The following LY9 variants were observed in gnomAD, a reference collection of about 807,000 sequenced individuals.
LY9 encodes lymphocyte antigen 9, also known as T-lymphocyte surface antigen Ly-9.
In LY9, 59 loss-of-function variants were observed where a neutral mutation model predicts 64.6. The ratio of observed to expected loss-of-function variants is 0.91; its 90% CI spans 0.74 to 1.13. LY9 has a LOEUF of 1.13. LY9 is among the 50% of genes most tolerant of loss of function. The pLI, the probability that LY9 is intolerant of heterozygous loss-of-function variation, is 0.00. For missense variants in LY9, 789 were observed against 797.2 expected (o/e 0.99, Z 0.12); for synonymous variants, 281 against 308.5 (o/e 0.91, Z 0.93).
At chr1:160,824,359 T>C (rs1455164957) in intron 9 of LY9, 110 bp downstream of exon 9, 24 of 1,537,182 alleles carry the variant, frequency 1.6e-5, no homozygotes, top group Non-Finnish European at 1.7e-5. Context: ...TCTTAAATTC[T>C]ACCCACTATG....
chr1:160,811,823 C>T (rs1252374987), intron 2 of LY9: 1 of 152,166 alleles, frequency 6.6e-6, no homozygotes, highest in Non-Finnish European at 1.5e-5. Flanking sequence ...TGCAGTGTTC[C>T]TATTTTCTTT....
At chr1:160,802,597 A>G (rs1187077734) in intron 2 of LY9, 1 of 985,598 alleles carries the variant, frequency 1.0e-6, no homozygotes. Context: ...TGTAGCTGCC[A>G]GTGTACACGT....
chr1:160,824,371 A>AC (rs779116529), intron 9 of LY9, 122 bp downstream of exon 9: 26 of 1,501,830 alleles, frequency 1.7e-5, no homozygotes, highest in Non-Finnish European at 2.3e-5. Context: ...CCCACTATGC[A>AC]CCCCTCAGAT....
chr1:160,801,072 G>A (rs1666427592), intron 2 of LY9, among the ~76,000 whole-genome samples: 1 of 151,856 alleles, frequency 6.6e-6, no homozygotes, highest in African/African-American at 2.4e-5. Flanking sequence ...TTTTCCTTTG[G>A]GTAGATATCC....
At chr1:160,805,878 C>T (rs1666943663) in intron 2 of LY9, among the ~76,000 whole-genome samples, 1 of 144,392 alleles carries the variant, frequency 6.9e-6, no homozygotes, top group South Asian at 2.2e-4. Flanking sequence ...TATCCTCTTG[C>T]TGGATTGATC....
At chr1:160,823,421 G>T in intron 7 of LY9, 44 bp from the exon 8 acceptor site, 1 of 1,464,916 alleles carries the variant, frequency 6.8e-7, no homozygotes, top group Middle Eastern at 1.8e-4. Flanking sequence ...AAGAAGAGAG[G>T]TGGGGTTGGC....
At position 160,813,615 on chromosome 1, in the gene LY9, C is replaced by G. The variant is rs1462415391; in HGVS notation, c.455-21C>G. ...GCTGGCAAAAGGATCTGAGCATCTT[C>G]CCATGCTGTTGTCCCTGCAGAGCAG... On this transcript the variant is annotated intron_variant, in intron 2 of 9. Transcript: ENST00000263285. 4 of 1,605,216 alleles carry G rather than the reference C, an allele frequency of 2.5e-6. No individual in the cohort carries two copies. The African/African-American group carries it at 5.4e-5, about 22-fold the overall frequency.
At chr1:160,802,213 G>A in intron 2 of LY9, 10 of 1,138,906 alleles carry the variant, frequency 8.8e-6, no homozygotes, top group Non-Finnish European at 1.1e-5. Flanking sequence ...TTCTCCGCTT[G>A]GATTTGCTTA....
At chr1:160,819,815 GAGAA>G (rs1668251947) in intron 7 of LY9, among the ~76,000 whole-genome samples, 3 of 100,268 alleles carry the variant, frequency 3.0e-5, no homozygotes, top group African/African-American at 3.9e-5. Context: ...AAAACAGAAA[GAGAA>G]AGAAAGAGAG....
At position 160,816,759 on chromosome 1, in the gene LY9, A is replaced by T. The variant is rs141800928; in HGVS notation, c.1238A>T (p.Asn413Ile). 1,732 of 1,614,194 alleles carry T rather than the reference A, an allele frequency of 1.1e-3. 3 individuals are homozygous for T. Among genetic ancestry groups the T allele is most frequent in the Non-Finnish European group, 1.3e-3 (1,536 of 1,180,030 alleles). Reference sequence around the variant, plus strand: ...GTGTCCCAAGGGGAATCACACCTCAATGTCTCATGGAGAAGCAGTGAAAAT... The same window carrying T: ...GTGTCCCAAGGGGAATCACACCTCATTGTCTCATGGAGAAGCAGTGAAAAT... The part of the protein sequence containing the change: ...AVVSQGESHL[N>I]VSWRSSENHP... Residue 413 changes from asparagine (N) to isoleucine (I), a missense_variant, in exon 5 of 10, where the codon AAT (asparagine) becomes ATT (isoleucine). Asn to Ile is a moderately radical substitution (Grantham distance 149). Coordinates refer to ENST00000263285, the MANE Select transcript of LY9 (RefSeq NM_002348.4).
At chr1:160,813,969 G>A in intron 3 of LY9, 58 bp downstream of exon 3, 2 of 1,555,206 alleles carry the variant, frequency 1.3e-6, no homozygotes, top group East Asian at 2.2e-5. Context: ...AGCAGCTGTG[G>A]AGTCTAAACC....
At position 160,819,397 on chromosome 1, in the gene LY9, C is replaced by T. The variant is rs367679571; in HGVS notation, c.1498+23C>T. ...CAGGTAACATCACCCATGACACAGG[C>T]TATGGGGTATCTGGTCCAAATGGAA... is the stretch of plus-strand genomic sequence containing the variant. On this transcript the variant is annotated intron_variant, in intron 7 of 9. Transcript: ENST00000263285. The T allele has an allele frequency of 3.2e-4, 504 of 1,592,170 alleles. 1 individual carries two copies. Among genetic ancestry groups the T allele is most frequent in the Non-Finnish European group, 3.8e-4 (442 of 1,160,340 alleles).
intron 5 of LY9, among the ~76,000 whole-genome samples, chr1:160,817,545 G>A (rs367748248): frequency 1.1e-3 from 166 of 152,336 alleles, no homozygotes; most frequent in Middle Eastern, 3.4e-3. Flanking sequence ...CAAAGGCTGC[G>A]TGAGTGGGAG....
chr1:160,826,779 T>A (rs113849158), intron 9 of LY9, among the ~76,000 whole-genome samples: 4,410 of 152,308 alleles, frequency 0.029, 225 homozygotes, highest in African/African-American at 0.1. Context: ...TAGACAGTAG[T>A]CTAATGCTTA....
chr1:160,798,265 A>T (rs1056912539), intron 1 of LY9, among the ~76,000 whole-genome samples: 6 of 152,094 alleles, frequency 3.9e-5, no homozygotes, highest in African/African-American at 1.4e-4. Flanking sequence ...CAGGATACAG[A>T]TGGGCAGTAC....
At chr1:160,797,964 C>T (rs974891986) in intron 1 of LY9, among the ~76,000 whole-genome samples, 1 of 152,044 alleles carries the variant, frequency 6.6e-6, no homozygotes, top group Non-Finnish European at 1.5e-5. Flanking sequence ...TCTTTGGAAA[C>T]TATTAAGAGA....
At chr1:160,801,984 T>C in intron 2 of LY9, 1 of 1,574,362 alleles carries the variant, frequency 6.4e-7, no homozygotes, top group East Asian at 2.3e-5. Flanking sequence ...GCAGCAGAGC[T>C]GGAAGGGTCC....
intron 4 of LY9, 34 bp downstream of exon 4, chr1:160,814,795 T>C: frequency 6.4e-7 from 1 of 1,559,640 alleles, no homozygotes; most frequent in East Asian, 2.3e-5. Context: ...ATCACCAGAT[T>C]CCTTCTCTGA....
intron 3 of LY9, 74 bp from the exon 4 acceptor site, chr1:160,814,346 C>G: frequency 1.7e-6 from 2 of 1,153,352 alleles, no homozygotes; most frequent in Middle Eastern, 2.8e-4. Flanking sequence ...TCCCCTCAGT[C>G]CCCTTTAGGA....
Sources: allele counts gnomAD v4.1 joint callset (sites outside exome capture counted in the v4.1 genomes callset), GRCh38; gene constraint gnomAD v4.1.1; transcripts MANE v1.5; gene names NCBI Gene and HGNC (gene_info 2026-07-23, HGNC 2026-07-21).